Variants in MAPK8 observed in about 807,000 individuals in gnomAD.
The protein encoded by MAPK8 is mitogen-activated protein kinase 8, also known as JUN N-terminal kinase.
Under a neutral mutation model 52.9 loss-of-function variants are expected in MAPK8, and 13 were observed. That is an observed-to-expected ratio of 0.25 (90% CI 0.16 to 0.39). The LOEUF (loss-of-function observed/expected upper bound fraction) is 0.39. Ranked by LOEUF, MAPK8 falls within the 10% of genes least tolerant of loss-of-function variation. The pLI is 1.00. For synonymous variants in MAPK8, 191 were observed against 169.8 expected (o/e 1.12, Z -0.97); for missense variants, 300 against 519.2 (o/e 0.58, Z 4.10).
intron 1 of MAPK8, among the ~76,000 whole-genome samples, chr10:48,385,063 C>T (rs1369525206): frequency 6.6e-6 from 1 of 152,126 alleles, no homozygotes; most frequent in Middle Eastern, 3.2e-3. Context: ...ACAGAAATAA[C>T]ATTGGTTATT....
At chr10:48,361,542 C>A (rs866680296) in intron 1 of MAPK8, among the ~76,000 whole-genome samples, 2 of 152,116 alleles carry the variant, frequency 1.3e-5, no homozygotes, top group African/African-American at 4.8e-5. Flanking sequence ...CAGAATAATA[C>A]TTATACTTTT....
chr10:48,334,817 C>G (rs549221868), intron 1 of MAPK8, among the ~76,000 whole-genome samples: 1 of 152,148 alleles, frequency 6.6e-6, no homozygotes, highest in Non-Finnish European at 1.5e-5. Context: ...CTTGCAAGAT[C>G]TAGGTGTCTG....
intron 1 of MAPK8, among the ~76,000 whole-genome samples, chr10:48,360,267 C>T (rs1463344901): frequency 6.6e-6 from 1 of 152,106 alleles, no homozygotes; most frequent in African/African-American, 2.4e-5. Flanking sequence ...GAAAAGATGC[C>T]CAGTCTCCTT....
At chr10:48,403,326 C>T (rs745513686) in intron 2 of MAPK8, among the ~76,000 whole-genome samples, 1 of 151,946 alleles carries the variant, frequency 6.6e-6, no homozygotes, top group Admixed American at 6.6e-5. Context: ...GGCATGGTGG[C>T]ACATGCCTGT....
At chr10:48,429,862 AAC>A (rs1205001397) in intron 10 of MAPK8, 4 of 152,244 alleles carry the variant, frequency 2.6e-5, no homozygotes, top group Admixed American at 6.5e-5. Flanking sequence ...TTCAGGAATT[AAC>A]ACAGACTCCT....
chr10:48,361,153 A>G (rs898518386), intron 1 of MAPK8, among the ~76,000 whole-genome samples: 2 of 152,204 alleles, frequency 1.3e-5, no homozygotes, highest in African/African-American at 4.8e-5. Flanking sequence ...CATGAATTCT[A>G]TCGAGGAACG....
intron 1 of MAPK8, among the ~76,000 whole-genome samples, chr10:48,360,042 C>T (rs1397547506): frequency 6.6e-6 from 1 of 152,100 alleles, no homozygotes; most frequent in Non-Finnish European, 1.5e-5. Flanking sequence ...CAGCATGCAC[C>T]TGTAATCCCA....
At chr10:48,327,263 A>G (rs1248985347) in intron 1 of MAPK8, among the ~76,000 whole-genome samples, 2 of 152,134 alleles carry the variant, frequency 1.3e-5, no homozygotes, top group Non-Finnish European at 2.9e-5. Flanking sequence ...ATTCTTCTCC[A>G]TTCTTGGTTT....
intron 2 of MAPK8, among the ~76,000 whole-genome samples, chr10:48,403,033 A>G (rs959678025): frequency 2.0e-5 from 3 of 152,238 alleles, no homozygotes; most frequent in Admixed American, 2.0e-4. Flanking sequence ...AAGCAGTACC[A>G]TATATTTATG....
intron 3 of MAPK8, among the ~76,000 whole-genome samples, chr10:48,409,223 G>A (rs2042621127): frequency 6.6e-6 from 1 of 152,172 alleles, no homozygotes; most frequent in African/African-American, 2.4e-5. Context: ...CAGATTGACA[G>A]TAGAATGGAC....
chr10:48,310,023 T>C (rs1160654273), intron 1 of MAPK8, among the ~76,000 whole-genome samples: 3 of 152,222 alleles, frequency 2.0e-5, no homozygotes, highest in Non-Finnish European at 4.4e-5. Flanking sequence ...GCAGGTTAAG[T>C]TGAACTTTGA....
At chr10:48,340,764 A>G (rs1206092643) in intron 1 of MAPK8, among the ~76,000 whole-genome samples, 3 of 152,228 alleles carry the variant, frequency 2.0e-5, no homozygotes, top group African/African-American at 4.8e-5. Context: ...TTAGTATTCA[A>G]ACAAAAACAT....
intron 1 of MAPK8, among the ~76,000 whole-genome samples, chr10:48,372,636 T>A (rs941083672): frequency 1.3e-5 from 2 of 150,512 alleles, no homozygotes; most frequent in Non-Finnish European, 3.0e-5. Context: ...AGATTGAAGA[T>A]TAACTCAATG....
At chr10:48,380,103 A>G (rs2040905498) in intron 1 of MAPK8, among the ~76,000 whole-genome samples, 1 of 151,948 alleles carries the variant, frequency 6.6e-6, no homozygotes, top group Non-Finnish European at 1.5e-5. Context: ...TTAGCCGGGC[A>G]TGGTGGTGCG....
rs753696740 is a variant in MAPK8, at chr10:48,426,512, A to T, written c.996+8A>T. The T allele has an allele frequency of 1.9e-6, 3 of 1,606,240 alleles. No homozygotes were observed. The South Asian group carries it at 3.4e-5, about 18-fold the overall frequency. On this transcript the variant is annotated splice_region_variant and intron_variant, in intron 9 of 11. Transcript: ENST00000374189. ...CCTTCTGAAGCAGAAGCTGTAAGTT[A>T]TTTTCTTAATGTTTACAGAACATAT...
chr10:48,420,347 T>C (rs1462616464), intron 6 of MAPK8, 27 bp downstream of exon 6: 5 of 1,536,772 alleles, frequency 3.3e-6, no homozygotes, highest in African/African-American at 2.8e-5. Flanking sequence ...ATTTGAAATA[T>C]TTTTCTGATT....
chr10:48,329,261 G>A (rs191231852), intron 1 of MAPK8, among the ~76,000 whole-genome samples: 155 of 152,270 alleles, frequency 1.0e-3, no homozygotes, highest in Non-Finnish European at 2.0e-3. Context: ...CGAAAAAGTT[G>A]TTTGTGATTC....
chr10:48,322,700 A>G (rs1264977954), intron 1 of MAPK8, among the ~76,000 whole-genome samples: 1 of 151,968 alleles, frequency 6.6e-6, no homozygotes, highest in South Asian at 2.1e-4. Context: ...ATGTAAATCT[A>G]TTGCAAGTTC....
chr10:48,368,922 C>G (rs1418059336), intron 1 of MAPK8, among the ~76,000 whole-genome samples: 1 of 152,154 alleles, frequency 6.6e-6, no homozygotes, highest in African/African-American at 2.4e-5. Flanking sequence ...CTATACAGCT[C>G]TAACTTAACA....
Sources: gnomAD v4.1 joint callset for allele counts (sites outside exome capture counted in the v4.1 genomes callset) on GRCh38, gnomAD v4.1.1 for gene constraint, MANE v1.5 for transcripts, NCBI Gene and HGNC (gene_info 2026-07-23, HGNC 2026-07-21) for gene names.